Variants in ASPH observed in about 807,000 individuals in gnomAD.
The protein encoded by ASPH is aspartyl/asparaginyl beta-hydroxylase.
Under a neutral mutation model 118.4 loss-of-function variants are expected in ASPH, and 100 were observed. The observed-to-expected ratio is 0.84, with a 90% CI of 0.72 to 1.00. The LOEUF (loss-of-function observed/expected upper bound fraction) is 1.00. Ranked by LOEUF, ASPH falls within the 50% of genes least tolerant of loss-of-function variation. The pLI, the probability that ASPH is intolerant of heterozygous loss-of-function variation, is 0.00. For missense variants in ASPH, 920 were observed against 919.5 expected, an observed-to-expected ratio of 1.00 and a Z score of -0.01; for synonymous variants, 315 against 325.6, an observed-to-expected ratio of 0.97 and a Z score of 0.35.
rs56011343 is a variant in ASPH at position 61,621,240 on chromosome 8, G to A, written c.935-2221C>T. On this transcript the variant is annotated intron_variant, in intron 13 of 24. Transcript: ENST00000379454. ...GAAGCTGAGTTCTGAGACTCATTTCGGATATGGAGAAAATACACAGAGATA... is the reference window on the plus strand; with the variant it reads ...GAAGCTGAGTTCTGAGACTCATTTCAGATATGGAGAAAATACACAGAGATA... Among the ~76,000 whole-genome samples, 522 of 151,500 alleles carry A rather than the reference G, an allele frequency of 3.4e-3. 3 individuals carry two copies. The highest frequency in any genetic ancestry group is 6.8e-3 in the Middle Eastern group (2 of 294).
chr8:61,646,476 A>T (rs917818307), intron 6 of ASPH, among the ~76,000 whole-genome samples: 1 of 152,158 alleles, frequency 6.6e-6, no homozygotes, highest in African/African-American at 2.4e-5. Flanking sequence ...ATAGCACCCT[A>T]AGCAGAAGAA....
At position 61,666,434 on chromosome 8, in the gene ASPH, A is replaced by G. The variant is rs182812539; in HGVS notation, c.323-12774T>C. On this transcript the variant is annotated intron_variant, in intron 3 of 24. Transcript: ENST00000379454. ...TTTGTACTCTCATAAGGAAATCATA[A>G]GGTAAGGTGTTTGCAATGCCACATT... Among the ~76,000 whole-genome samples, 25 of 152,342 alleles carry G rather than the reference A, an allele frequency of 1.6e-4. No homozygotes were observed. In the East Asian group the frequency reaches 4.8e-3, roughly 29 times the overall value.
At chr8:61,534,941 G>A (rs552840838) in intron 21 of ASPH, among the ~76,000 whole-genome samples, 2 of 152,316 alleles carry the variant, frequency 1.3e-5, no homozygotes, top group Non-Finnish European at 2.9e-5. Context: ...GGTTTCTTTC[G>A]AGGGCTCTCT....
chr8:61,713,985 G>C (rs1453072215), intron 1 of ASPH, among the ~76,000 whole-genome samples: 1 of 152,236 alleles, frequency 6.6e-6, no homozygotes, highest in Non-Finnish European at 1.5e-5. Context: ...CAGTCGTTCA[G>C]CAACCTCTGT....
rs150430741 is a variant in ASPH at position 61,627,634 on chromosome 8, T to C, written c.934+6049A>G. Among the ~76,000 whole-genome samples, 119 of 152,332 alleles carry C rather than the reference T, an allele frequency of 7.8e-4. 1 individual carries two copies. Among genetic ancestry groups the C allele is most frequent in the African/African-American group, 2.8e-3 (115 of 41,582 alleles). On this transcript the variant is annotated intron_variant, in intron 13 of 24. Transcript: ENST00000379454. Reference sequence around the variant, plus strand: ...TGGCATTCAACAATTTTCTGGACTTTGATTTGAGAGGAAGATACATTTCAG... The same window carrying C: ...TGGCATTCAACAATTTTCTGGACTTCGATTTGAGAGGAAGATACATTTCAG...
Position 61,504,749 on chromosome 8 carries a change from C to T in ASPH, c.2127-1240G>A, listed in dbSNP as rs141418124. Among the ~76,000 whole-genome samples, 96 of 152,290 alleles carry T rather than the reference C, an allele frequency of 6.3e-4. No individual in the cohort carries two copies. The East Asian group carries it at 0.014, about 22-fold the overall frequency. ...TTGCCATAGTTGTGACAACCAGAAA[C>T]ATCTCTAGTCATTGCCAAATGTCCA... On this transcript the variant is annotated intron_variant, in intron 24 of 24. Coordinates refer to ENST00000379454, the MANE Select transcript of ASPH (RefSeq NM_004318.4).
intron 15 of ASPH, among the ~76,000 whole-genome samples, chr8:61,582,756 T>A (rs1424483504): frequency 6.6e-6 from 1 of 152,248 alleles, no homozygotes; most frequent in East Asian, 1.9e-4. Context: ...TTTATTGTTG[T>A]TTGTTTACTT....
At chr8:61,639,976 T>C (rs888425127) in intron 10 of ASPH, among the ~76,000 whole-genome samples, 1 of 152,122 alleles carries the variant, frequency 6.6e-6, no homozygotes, top group Admixed American at 6.5e-5. Flanking sequence ...TTCTAAGCAT[T>C]TCTCAACTTT....
chr8:61,595,792 C>A (rs1479197399), intron 14 of ASPH, among the ~76,000 whole-genome samples: 1 of 152,202 alleles, frequency 6.6e-6, no homozygotes, highest in Non-Finnish European at 1.5e-5. Context: ...CTGCCACTGG[C>A]ACCTGCCATT....
intron 3 of ASPH, among the ~76,000 whole-genome samples, chr8:61,679,627 G>A (rs540862010): frequency 5.7e-4 from 87 of 151,630 alleles, no homozygotes; most frequent in African/African-American, 1.7e-3. Flanking sequence ...AAAAATGAGG[G>A]AACTTGGCCC....
chr8:61,578,876 C>G, intron 15 of ASPH: 1 of 1,536,050 alleles, frequency 6.5e-7, no homozygotes, highest in Non-Finnish European at 9.0e-7. Context: ...GGCTGACTGA[C>G]GAGATCAACT....
At chr8:61,548,303 T>C in intron 20 of ASPH, 95 bp from the exon 21 acceptor site, 1 of 1,361,888 alleles carries the variant, frequency 7.3e-7, no homozygotes, top group East Asian at 2.6e-5. Context: ...AGGTATTACT[T>C]TGACACATTT....
At chr8:61,664,502 T>C in intron 3 of ASPH, 1 of 985,014 alleles carries the variant, frequency 1.0e-6, no homozygotes, top group Non-Finnish European at 1.2e-6. Context: ...GAGCAGTGTA[T>C]GTGGCACATG....
In ASPH at chr8:61,714,284, G is replaced by GGCT. The variant is rs1172348367; in HGVS notation, c.85_87dup (p.Ser29dup). 7 of 1,519,400 alleles carry GGCT rather than the reference G, an allele frequency of 4.6e-6. No homozygotes were observed. The highest frequency in any genetic ancestry group is 6.2e-6 in the Non-Finnish European group (7 of 1,135,764). 94.1% of individuals were successfully genotyped at this position (1,519,400 alleles called of 1,614,324 possible). A position where few individuals can be genotyped will look rare whatever the true frequency, so the allele number is the denominator to read the frequency against. ...GGCCTCTGACCTCTCCGGGCCCCGG[G>GGCT]GCTGCTGCTGCCCGCACTCGTGCTA... On this transcript the variant is annotated inframe_insertion, in exon 1 of 25. Transcript: ENST00000379454.
intron 21 of ASPH, among the ~76,000 whole-genome samples, chr8:61,528,711 A>T (rs1450136794): frequency 1.3e-5 from 2 of 152,200 alleles, no homozygotes; most frequent in East Asian, 3.8e-4. Context: ...TTTATATATG[A>T]AACATTGCCC....
intron 13 of ASPH, chr8:61,632,090 T>C (rs1379633092): frequency 1.3e-5 from 2 of 152,184 alleles, no homozygotes; most frequent in Non-Finnish European, 2.9e-5. Flanking sequence ...CAAAACTTAC[T>C]GGGAGCTTAT....
At chr8:61,540,151 T>G (rs1465407027) in intron 21 of ASPH, among the ~76,000 whole-genome samples, 2 of 152,148 alleles carry the variant, frequency 1.3e-5, no homozygotes, top group Non-Finnish European at 2.9e-5. Flanking sequence ...CTCTCCACAC[T>G]CCTAGTGCTA....
At chr8:61,685,851 TGATCTCGGCTC>T (rs1234418847) in intron 1 of ASPH, among the ~76,000 whole-genome samples, 1 of 151,766 alleles carries the variant, frequency 6.6e-6, no homozygotes, top group African/African-American at 2.4e-5. Context: ...TGCACTAGCA[TGATCTCGGCTC>T]GGTTCAAGGG....
intron 1 of ASPH, among the ~76,000 whole-genome samples, chr8:61,712,323 C>CT (rs967711286): frequency 2.6e-5 from 4 of 152,172 alleles, no homozygotes; most frequent in Non-Finnish European, 5.9e-5. Context: ...CGACACTGTA[C>CT]TTTAACTGTT....
Sources: gnomAD v4.1 joint callset for allele counts (sites outside exome capture counted in the v4.1 genomes callset) on GRCh38, gnomAD v4.1.1 for gene constraint, MANE v1.5 for transcripts, NCBI Gene and HGNC (gene_info 2026-07-23, HGNC 2026-07-21) for gene names.